DHX32: variants seen among roughly 807,000 people sequenced by gnomAD.
DHX32 encodes putative pre-mRNA-splicing factor ATP-dependent RNA helicase DHX32.
DHX32 carries 51 observed loss-of-function variants against 70.0 expected under a neutral mutation model. The observed-to-expected ratio is 0.73, with a 90% CI of 0.58 to 0.92. The LOEUF (loss-of-function observed/expected upper bound fraction) is 0.92. Among genes scored for constraint, DHX32 ranks in the 40% least tolerant of loss-of-function variants. DHX32 has a pLI of 0.00. For synonymous variants in DHX32, 310 were observed against 315.3 expected, an observed-to-expected ratio of 0.98 and a Z score of 0.18; for missense variants, 762 against 891.8, an observed-to-expected ratio of 0.85 and a Z score of 1.85.
chr10:125,885,635 T>C (rs1944337039), upstream of DHX32, among the ~76,000 whole-genome samples: 1 of 152,222 alleles, frequency 6.6e-6, no homozygotes, highest in Non-Finnish European at 1.5e-5. Flanking sequence ...GCACCTTGAT[T>C]GTAGTCCAGT....
At chr10:125,885,494 CAATG>C (rs1221930153), upstream of DHX32, among the ~76,000 whole-genome samples, 1 of 152,024 alleles carries the variant, frequency 6.6e-6, no homozygotes, top group Middle Eastern at 3.2e-3. Context: ...CGGAGAGATG[CAATG>C]TTGTGGGCTT....
Position 125,854,189 on chromosome 10 carries a change from G to A in DHX32, c.864C>T (p.Val288=), listed in dbSNP as rs1944126327. Residue 288 remains valine, a synonymous_variant, in exon 4 of 11, where the codon GTC becomes GTT. Coordinates refer to ENST00000284690, the MANE Select transcript of DHX32 (RefSeq NM_018180.3). The part of the protein sequence containing the change: ...FLACEQDIEK[V]CETVYQGSNL... ...TAGATCCTTGATAGACAGTTTCACA[G>A]ACTTTCTCAATATCCTAAAGAAAAA... 1.2e-6 allele frequency: 2 copies of A among 1,600,112 alleles called. No individual in the cohort carries two copies. Among genetic ancestry groups the A allele is most frequent in the Non-Finnish European group, 1.7e-6 (2 of 1,175,330 alleles).
At chr10:125,886,684 C>G (rs1174787323) in intron 1 of DHX32, among the ~76,000 whole-genome samples, 1 of 152,310 alleles carries the variant, frequency 6.6e-6, no homozygotes, top group East Asian at 1.9e-4. Flanking sequence ...CCTGGTCGTC[C>G]CTTGAATCAT....
rs528522270 is a variant in DHX32, at chr10:125,863,517, G to A, written c.476+3473C>T. ...GTCTGGAGTGCAGTGGCATGATCTC[G>A]GCTCACTGCAAGCTCTGCCTCCTGG... On this transcript the variant is annotated intron_variant, in intron 2 of 10. Coordinates refer to ENST00000284690, the MANE Select transcript of DHX32 (RefSeq NM_018180.3). Among the ~76,000 whole-genome samples, 4 of 149,914 alleles carry A rather than the reference G, an allele frequency of 2.7e-5. No individual in the cohort carries two copies. In the East Asian group the frequency reaches 7.9e-4, roughly 29 times the overall value.
rs993927188 is a variant in DHX32 at position 125,852,315 on chromosome 10, G to C, written c.1329C>G (p.His443Gln). 3 of 1,614,016 alleles carry C rather than the reference G, an allele frequency of 1.9e-6. No homozygotes were observed. Among genetic ancestry groups the C allele is most frequent in the Non-Finnish European group, 2.5e-6 (3 of 1,180,034 alleles). The part of the protein sequence containing the change: ...MKRIDIAGLG[H>Q]CDFMNRPAPE... ...TACCTGGTCTGTTCATGAAGTCACAGTGGCCTAGGCCCGCAATGTCTATCC... is the reference window on the plus strand; with the variant it reads ...TACCTGGTCTGTTCATGAAGTCACACTGGCCTAGGCCCGCAATGTCTATCC... Residue 443 changes from histidine to glutamine, a missense_variant, in exon 6 of 11, where the codon CAC (histidine) becomes CAG (glutamine). Physicochemically the swap from His to Gln is conservative, Grantham distance 24 (BLOSUM62 0). Around this residue, in one of 3 missense-constraint regions of DHX32, gnomAD observed 366 missense variants for 402.6 expected, o/e 0.91. Transcript: ENST00000284690.
Position 125,880,797 on chromosome 10 carries a change from T to G in DHX32, c.28A>C (p.Asn10His), listed in dbSNP as rs777313399. MEEEGLECP[N>H]SSSEKRYFPE... ...AAATAGCGTTTTTCAGAGGAAGAGT[T>G]TGGACACTCCAGCCCTTCTTCTTCC... Residue 10 changes from asparagine (N) to histidine (H), a missense_variant, in exon 1 of 11, where the codon AAC becomes CAC. Asn to His is a moderately conservative substitution (Grantham distance 68, BLOSUM62 1). Coordinates refer to ENST00000284690, the MANE Select transcript of DHX32 (RefSeq NM_018180.3). The G allele has an allele frequency of 6.2e-7, 1 of 1,614,090 alleles. No homozygotes were observed. Among genetic ancestry groups the G allele is most frequent in the East Asian group, 2.2e-5 (1 of 44,882 alleles).
intron 6 of DHX32, among the ~76,000 whole-genome samples, chr10:125,845,085 G>C (rs1943995424): frequency 6.6e-6 from 1 of 151,842 alleles, no homozygotes; most frequent in Non-Finnish European, 1.5e-5. Context: ...ACCAGCAGAG[G>C]AGGAGCCGAT....
Position 125,836,384 on chromosome 10 carries a change from A to G in DHX32, c.*303T>C. 1.9e-6 allele frequency: 3 copies of G among 1,555,864 alleles called. No individual in the cohort carries two copies. The highest frequency in any genetic ancestry group is 2.6e-6 in the Non-Finnish European group (3 of 1,153,806). ...ATTCAGATTAAGTTCCTCTACAAAA[A>G]GTAGGGTTCTGTCCCATGTGTCTCT... On this transcript the variant is annotated 3_prime_UTR_variant, in exon 11 of 11. Coordinates refer to ENST00000284690, the MANE Select transcript of DHX32 (RefSeq NM_018180.3).
intron 6 of DHX32, among the ~76,000 whole-genome samples, chr10:125,851,251 A>T (rs1365617431): frequency 1.3e-5 from 2 of 151,368 alleles, no homozygotes; most frequent in East Asian, 3.9e-4. Context: ...GAATTAATCC[A>T]CAGTTATATT....
intron 3 of DHX32, 73 bp downstream of exon 3, chr10:125,859,530 C>A: frequency 6.8e-7 from 1 of 1,471,884 alleles, no homozygotes; most frequent in South Asian, 1.4e-5. Flanking sequence ...AAACTGAAAC[C>A]TGTATGTTAG....
rs373474850 is a variant in DHX32 at position 125,838,381 on chromosome 10, G to A, written c.1888C>T (p.Arg630Trp). ...TAGTTACCTGATCCATCAACATCCC[G>A]AGCAATCTGAAAGGCAGAATTTTAA... ...LLSGYFMQIA[R>W]DVDGSGNYLM... The change falls in exon 10 of 11, where the codon CGG (arginine) becomes TGG (tryptophan). Residue 630 changes from arginine to tryptophan, a missense_variant. Transcript: ENST00000284690. 7.6e-6 allele frequency: 12 copies of A among 1,570,720 alleles called. No homozygotes were observed. In the African/African-American group the frequency reaches 8.2e-5, roughly 11 times the overall value.
At chr10:125,848,183 A>G (rs1944048659) in intron 6 of DHX32, among the ~76,000 whole-genome samples, 1 of 152,152 alleles carries the variant, frequency 6.6e-6, no homozygotes, top group Admixed American at 6.5e-5. Flanking sequence ...GAATGAAGAG[A>G]TGGTGTAGAC....
chr10:125,877,900 T>C (rs971004772), intron 1 of DHX32, among the ~76,000 whole-genome samples: 4 of 152,180 alleles, frequency 2.6e-5, no homozygotes, highest in African/African-American at 9.7e-5. Flanking sequence ...TAGAGCATAG[T>C]CTATTCTACT....
Sources: gnomAD v4.1 joint callset for allele counts (sites outside exome capture counted in the v4.1 genomes callset) on GRCh38, gnomAD v4.1.1 for gene constraint, gnomAD v4.1.1 regional missense constraint, MANE v1.5 for transcripts, NCBI Gene and HGNC (gene_info 2026-07-23, HGNC 2026-07-21) for gene names.